Variants in TBX22 observed in about 807,000 individuals in gnomAD.
The protein encoded by TBX22 is T-box transcription factor 22.
TBX22 carries 8 observed loss-of-function variants against 30.1 expected under a neutral mutation model. The observed-to-expected ratio is 0.27, with a 90% confidence interval of 0.16 to 0.48. TBX22 has a LOEUF of 0.48. Ranked by LOEUF, TBX22 falls within the 20% of genes least tolerant of loss-of-function variation. The pLI is 0.99. For synonymous variants in TBX22, 173 were observed against 149.1 expected (o/e 1.16, Z -1.17); for missense variants, 463 against 400.5 (o/e 1.16, Z -1.33).
chrX:80,022,464 T>G lies in TBX22; in HGVS notation c.175+20T>G. Reference sequence around the variant, plus strand: ...CGCTTGGTAAGTACTGCCATTGCCCTGAGCCCGTTGCCTGAGCTTACTGGT... The same window carrying G: ...CGCTTGGTAAGTACTGCCATTGCCCGGAGCCCGTTGCCTGAGCTTACTGGT... On this transcript the variant is annotated intron_variant, in intron 2 of 8. Coordinates refer to ENST00000373296, the MANE Select transcript of TBX22 (RefSeq NM_001109878.2). 8.6e-7 allele frequency: 1 copy of G among 1,163,660 alleles called. No individual in the cohort carries two copies. The highest frequency in any genetic ancestry group is 1.1e-6 in the Non-Finnish European group (1 of 870,522).
intron 5 of TBX22, among the ~76,000 whole-genome samples, chrX:80,026,139 T>G (rs1398211011): frequency 1.8e-5 from 2 of 111,106 alleles, no homozygotes; most frequent in Non-Finnish European, 3.8e-5. Flanking sequence ...TCCACGCAGT[T>G]GGATGGGCAC....
In TBX22 at chrX:80,023,151, G is replaced by T; in HGVS notation, c.267G>T (p.Glu89Asp). The stretch of plus-strand genomic sequence containing the variant: ...GCAACAGCTCTGAAAGTCTGGAAGA[G>T]AAAGATATTCAAATGGAGCTTCAAG... Reference protein sequence around the residue: ...GYGNSSESLEEKDIQMELQGS... With the variant: ...GYGNSSESLEDKDIQMELQGS... The change falls in exon 3 of 9, where the codon GAG (glutamate) becomes GAT (aspartate). Residue 89 changes from glutamate to aspartate, a missense_variant. Coordinates refer to ENST00000373296, the MANE Select transcript of TBX22 (RefSeq NM_001109878.2). The T allele has an allele frequency of 8.3e-7, 1 of 1,211,890 alleles. No homozygotes were observed. The highest frequency in any genetic ancestry group is 1.7e-5 in the African/African-American group (1 of 57,873).
Position 80,025,736 on chromosome X carries a change from C to A in TBX22, c.592C>A (p.Arg198Ser), listed in dbSNP as rs776905471. Residue 198 changes from arginine to serine, a missense_variant, in exon 5 of 9, where the codon CGC (arginine) becomes AGC (serine). Arg to Ser is a moderately radical substitution (Grantham distance 110). Transcript: ENST00000373296. ...GATGCGGCAGATCATCAGCTTTGAT[C>A]GCATGAAACTCACCAACAATGAGAT... is the stretch of plus-strand genomic sequence containing the variant. Reference protein sequence around the residue: ...TWMRQIISFDRMKLTNNEMDD... With the variant: ...TWMRQIISFDSMKLTNNEMDD... The A allele has an allele frequency of 1.7e-6, 2 of 1,210,404 alleles. No individual in the cohort carries two copies. The highest frequency in any genetic ancestry group is 3.0e-5 in the East Asian group (1 of 33,787).
intron 8 of TBX22, among the ~76,000 whole-genome samples, chrX:80,029,362 G>C (rs1268814642): frequency 2.7e-5 from 3 of 111,665 alleles, no homozygotes; most frequent in Non-Finnish European, 5.7e-5. Context: ...GCGTTTCCTG[G>C]ACCTTATAAT....
At chrX:80,020,791 T>C (rs943760710) in intron 1 of TBX22, among the ~76,000 whole-genome samples, 2 of 112,053 alleles carry the variant, frequency 1.8e-5, no homozygotes, top group Non-Finnish European at 3.8e-5. Context: ...GATTCCAGTA[T>C]TGGCATATTA....
Position 80,023,287 on chromosome X carries a change from C to T in TBX22, c.356+47C>T, listed in dbSNP as rs780630991. 3.6e-6 allele frequency: 4 copies of T among 1,124,082 alleles called. No homozygotes were observed. In the African/African-American group the frequency reaches 7.2e-5, roughly 20 times the overall value. The allele number at this position is 1,124,082 out of a possible 1,213,427, so 92.6% of individuals were successfully genotyped here. Reference sequence around the variant, plus strand: ...TCACAAGGGTCACACACATTAGGCACTTAATTTACCGCTCTGGTAAGATGA... The same window carrying T: ...TCACAAGGGTCACACACATTAGGCATTTAATTTACCGCTCTGGTAAGATGA... On this transcript the variant is annotated intron_variant, in intron 3 of 8. Coordinates refer to ENST00000373296, the MANE Select transcript of TBX22 (RefSeq NM_001109878.2).
intron 1 of TBX22, among the ~76,000 whole-genome samples, chrX:80,017,276 G>A (rs1334707266): frequency 2.7e-5 from 2 of 74,426 alleles, no homozygotes; most frequent in Non-Finnish European, 4.9e-5. Flanking sequence ...GTTTGGTGTT[G>A]TTTTTGTGTG....
Position 80,025,467 on chromosome X carries a change from AG to A in TBX22, c.459-135del. The stretch of plus-strand genomic sequence containing the variant: ...TTATTTTTTGCCCCGAATGCTTGTT[AG>A]AAATTAAGTTGAGTCTTCTCCTTAC... On this transcript the variant is annotated intron_variant, in intron 4 of 8. Transcript: ENST00000373296. 5.5e-6 allele frequency: 3 copies of A among 545,891 alleles called. No individual in the cohort carries two copies. The South Asian group carries it at 7.2e-5, about 13-fold the overall frequency. The allele number at this position is 545,891 out of a possible 1,213,427, so 45.0% of individuals were successfully genotyped here. A position where few individuals can be genotyped will look rare whatever the true frequency, so the allele number is the denominator to read the frequency against.
chrX:80,021,335 C>T (rs952461441), intron 1 of TBX22, among the ~76,000 whole-genome samples: 4 of 111,711 alleles, frequency 3.6e-5, no homozygotes, highest in African/African-American at 1.3e-4. Context: ...CAAGTTTTCT[C>T]TGATGCTTGA....
At chrX:80,027,374 G>GTTT (rs397895286) in intron 7 of TBX22, 54 bp downstream of exon 7, 1,692 of 414,806 alleles carry the variant, frequency 4.1e-3, no homozygotes, top group Non-Finnish European at 4.9e-3. Context: ...ATTTTCACAA[G>GTTT]TTTTTTTTTT....
At chrX:80,022,909 A>C (rs1226562065) in intron 2 of TBX22, 151 bp from the exon 3 acceptor site, 1 of 548,108 alleles carries the variant, frequency 1.8e-6, no homozygotes, top group African/African-American at 2.4e-5. Context: ...AAGCGGCCAC[A>C]GAGGGTGTTA....
intron 3 of TBX22, 92 bp from the exon 4 acceptor site, chrX:80,023,971 C>T: frequency 1.2e-6 from 1 of 858,285 alleles, no homozygotes; most frequent in South Asian, 2.1e-5. Context: ...AGTCCCTTCA[C>T]TTTTTACTGG....
intron 8 of TBX22, among the ~76,000 whole-genome samples, chrX:80,029,799 G>A (rs189175564): frequency 2.7e-5 from 3 of 112,481 alleles, no homozygotes; most frequent in African/African-American, 9.7e-5. Context: ...AAACTAGTTT[G>A]TGTTTGTAAG....
At chrX:80,018,551 G>A (rs773178218) in intron 1 of TBX22, among the ~76,000 whole-genome samples, 7 of 111,814 alleles carry the variant, frequency 6.3e-5, no homozygotes, top group Non-Finnish European at 9.4e-5. Context: ...TTTCCCCTTC[G>A]AGTGTTTCGC....
intron 1 of TBX22, among the ~76,000 whole-genome samples, chrX:80,016,242 T>C (rs775943729): frequency 8.9e-6 from 1 of 112,119 alleles, no homozygotes; most frequent in African/African-American, 3.2e-5. Context: ...ATATTGTAAA[T>C]ATCCAGGAGT....
At chrX:80,020,284 A>AT (rs1923622486) in intron 1 of TBX22, among the ~76,000 whole-genome samples, 4 of 69,721 alleles carry the variant, frequency 5.7e-5, no homozygotes, top group East Asian at 2.0e-3. Flanking sequence ...ATAGATAGAG[A>AT]TAGATTAGAT....
rs746830556 is a variant in TBX22, at chrX:80,031,513, T to C, written c.*402T>C. 1 of 133,388 alleles carries C rather than the reference T, an allele frequency of 7.5e-6. No individual in the cohort carries two copies. The highest frequency in any genetic ancestry group is 1.5e-5 in the Non-Finnish European group (1 of 66,647). 11.0% of individuals were successfully genotyped at this position (133,388 alleles called of 1,213,427 possible). ...TTCTCATGAAAGCAGTGAAGCAATT[T>C]CAGTTTTAAAAATGAAGATCGGCTT... On this transcript the variant is annotated 3_prime_UTR_variant, in exon 9 of 9. Coordinates refer to ENST00000373296, the MANE Select transcript of TBX22 (RefSeq NM_001109878.2).
chrX:80,020,370 G>A (rs1923635760), intron 1 of TBX22, among the ~76,000 whole-genome samples: 1 of 111,207 alleles, frequency 9.0e-6, no homozygotes, highest in Non-Finnish European at 1.9e-5. Flanking sequence ...TGAGTAAGAG[G>A]AAATGAACAA....
chrX:80,020,493 G>A (rs1326290409), intron 1 of TBX22, among the ~76,000 whole-genome samples: 1 of 112,002 alleles, frequency 8.9e-6, no homozygotes, highest in Non-Finnish European at 1.9e-5. Context: ...TACCTGTGAG[G>A]TTCACTTTGC....
Sources: gnomAD v4.1 joint callset for allele counts (sites outside exome capture counted in the v4.1 genomes callset) on GRCh38, gnomAD v4.1.1 for gene constraint, MANE v1.5 for transcripts, NCBI Gene and HGNC (gene_info 2026-07-23, HGNC 2026-07-21) for gene names.